Variants in KAT2B observed in about 807,000 individuals in gnomAD.
KAT2B encodes the protein lysine acetyltransferase 2B, also known as histone acetyltransferase KAT2B.
Under a neutral mutation model 105.9 loss-of-function variants are expected in KAT2B, and 36 were observed. The observed-to-expected ratio is 0.34, with a 90% CI of 0.26 to 0.45. KAT2B has a LOEUF of 0.45. Ranked by LOEUF, KAT2B falls within the 20% of genes least tolerant of loss-of-function variation. The probability of loss-of-function intolerance (pLI) is 1.00; values close to 1 mark genes in which losing one functional copy is unlikely to be tolerated. For missense variants in KAT2B, 820 were observed against 1,021.6 expected, an observed-to-expected ratio of 0.80 and a Z score of 2.69; for synonymous variants, 397 against 377.9, an observed-to-expected ratio of 1.05 and a Z score of -0.59.
chr3:20,045,981 G>T lies in KAT2B; in HGVS notation c.303+5201G>T, dbSNP rs558105897. Among the ~76,000 whole-genome samples the T allele has an allele frequency of 2.0e-5, 3 of 152,316 alleles. No homozygotes were observed. In the East Asian group the frequency reaches 5.8e-4, roughly 29 times the overall value. ...CAGACTCAGTCCTGAATCCACCCCA[G>T]CTCTGCCACTTGTGTGATCTTAGGC... On this transcript the variant is annotated intron_variant, in intron 1 of 17. Coordinates refer to ENST00000263754, the MANE Select transcript of KAT2B (RefSeq NM_003884.5).
intron 6 of KAT2B, among the ~76,000 whole-genome samples, chr3:20,114,123 T>A (rs1183817844): frequency 1.3e-5 from 2 of 152,220 alleles, no homozygotes; most frequent in Admixed American, 1.3e-4. Flanking sequence ...TCACCTGCCC[T>A]ATTCTGATAA....
chr3:20,072,213 G>C (rs1200886331), intron 1 of KAT2B, 120 bp from the exon 2 acceptor site: 1 of 1,040,316 alleles, frequency 9.6e-7, no homozygotes, highest in African/African-American at 1.6e-5. Flanking sequence ...TATGGCAGAC[G>C]ACAAAGTCAG....
At chr3:20,074,943 T>C (rs1207605785) in intron 2 of KAT2B, among the ~76,000 whole-genome samples, 1 of 152,154 alleles carries the variant, frequency 6.6e-6, no homozygotes, top group Non-Finnish European at 1.5e-5. Flanking sequence ...GTTTCATGAG[T>C]ATGATCCCAT....
At chr3:20,097,244 G>A (rs887282699) in intron 3 of KAT2B, among the ~76,000 whole-genome samples, 4 of 152,192 alleles carry the variant, frequency 2.6e-5, no homozygotes, top group African/African-American at 7.2e-5. Context: ...GGAAGTGAAG[G>A]TGGTGTCAAG....
At chr3:20,072,844 T>A (rs1320693237) in intron 2 of KAT2B, among the ~76,000 whole-genome samples, 4 of 152,210 alleles carry the variant, frequency 2.6e-5, no homozygotes, top group African/African-American at 9.6e-5. Flanking sequence ...ATAATAATGA[T>A]CATTTTTATT....
At chr3:20,082,516 T>C (rs1698538295) in intron 2 of KAT2B, among the ~76,000 whole-genome samples, 1 of 152,230 alleles carries the variant, frequency 6.6e-6, no homozygotes, top group East Asian at 1.9e-4. Context: ...TGTTTAGTTG[T>C]CATGTCTCTT....
intron 1 of KAT2B, among the ~76,000 whole-genome samples, chr3:20,061,707 G>A (rs3960789): frequency 0.18 from 25,733 of 142,684 alleles, 2,951 homozygotes; most frequent in Non-Finnish European, 0.26. Context: ...GTTTTAATTT[G>A]TATTTTCATA....
At chr3:20,091,312 T>C (rs1698714622) in intron 2 of KAT2B, among the ~76,000 whole-genome samples, 4 of 152,146 alleles carry the variant, frequency 2.6e-5, no homozygotes, top group Admixed American at 2.6e-4. Context: ...CATAATCTCT[T>C]ATAATCCTTT....
At chr3:20,106,452 C>CACACAG (rs1553592039) in intron 5 of KAT2B, among the ~76,000 whole-genome samples, 24 of 151,838 alleles carry the variant, frequency 1.6e-4, no homozygotes, top group Non-Finnish European at 5.9e-5. Context: ...CACACACACA[C>CACACAG]ACACACACAC....
At chr3:20,131,655 C>T (rs1054837965) in intron 11 of KAT2B, among the ~76,000 whole-genome samples, 1 of 152,092 alleles carries the variant, frequency 6.6e-6, no homozygotes. Flanking sequence ...GCGTCTGCGA[C>T]CTCCTGTGCT....
intron 1 of KAT2B, among the ~76,000 whole-genome samples, chr3:20,066,440 C>T (rs909755435): frequency 1.3e-5 from 2 of 152,126 alleles, no homozygotes; most frequent in African/African-American, 4.8e-5. Context: ...CACTCTGTCA[C>T]CTAGCTGGAG....
intron 2 of KAT2B, among the ~76,000 whole-genome samples, chr3:20,086,435 C>T (rs747825753): frequency 1.4e-4 from 21 of 151,980 alleles, no homozygotes; most frequent in East Asian, 5.8e-4. Context: ...TTTGCGCCAA[C>T]GGAAAATACA....
intron 5 of KAT2B, among the ~76,000 whole-genome samples, chr3:20,107,830 T>C (rs1226920357): frequency 1.4e-5 from 2 of 140,042 alleles, no homozygotes; most frequent in African/African-American, 5.3e-5. Flanking sequence ...TTTTTTTGAG[T>C]TGGAGTCTTG....
At chr3:20,080,989 G>A (rs1575121716) in intron 2 of KAT2B, among the ~76,000 whole-genome samples, 1 of 152,034 alleles carries the variant, frequency 6.6e-6, no homozygotes, top group Non-Finnish European at 1.5e-5. Flanking sequence ...CATCTAATGG[G>A]CTCTTACTCT....
chr3:20,127,585 A>G (rs755254218), intron 11 of KAT2B, 36 bp downstream of exon 11: 7 of 1,600,186 alleles, frequency 4.4e-6, no homozygotes, highest in Middle Eastern at 1.7e-4. Flanking sequence ...AGAAGAGCAG[A>G]ATGTGGGGCT....
chr3:20,120,301 C>T (rs1366117790), intron 8 of KAT2B, among the ~76,000 whole-genome samples: 1 of 151,976 alleles, frequency 6.6e-6, no homozygotes, highest in African/African-American at 2.4e-5. Flanking sequence ...GATCTCAGCT[C>T]ACTGCAACCT....
chr3:20,067,413 G>A (rs895134787), intron 1 of KAT2B, among the ~76,000 whole-genome samples: 3 of 151,916 alleles, frequency 2.0e-5, no homozygotes, highest in Admixed American at 2.0e-4. Context: ...CCATTTATGA[G>A]CCCCCAGTGA....
chr3:20,125,337 T>C (rs1699382789), intron 9 of KAT2B, among the ~76,000 whole-genome samples: 1 of 148,216 alleles, frequency 6.7e-6, no homozygotes, highest in South Asian at 2.1e-4. Flanking sequence ...AATATATACA[T>C]GAGTGCTACT....
chr3:20,105,626 A>G (rs1698986496), intron 5 of KAT2B, among the ~76,000 whole-genome samples: 1 of 151,936 alleles, frequency 6.6e-6, no homozygotes, highest in Non-Finnish European at 1.5e-5. Flanking sequence ...AAATAAAAAT[A>G]AAAAACTAGC....
Sources: allele counts gnomAD v4.1 joint callset (sites outside exome capture counted in the v4.1 genomes callset), GRCh38; gene constraint gnomAD v4.1.1; transcripts MANE v1.5; gene names NCBI Gene and HGNC (gene_info 2026-07-23, HGNC 2026-07-21).